The following GTF2H3 variants were observed in gnomAD, a reference collection of about 807,000 sequenced individuals.
GTF2H3 encodes general transcription factor IIH subunit 3, also known as TFIIH basal transcription factor complex p34 subunit.
Under a neutral mutation model 51.1 loss-of-function variants are expected in GTF2H3, and 42 were observed. The ratio of observed to expected loss-of-function variants is 0.82; its 90% CI spans 0.64 to 1.06. The LOEUF is 1.06. Ranked by LOEUF, GTF2H3 falls within the 50% of genes least tolerant of loss-of-function variation. GTF2H3 has a pLI of 0.00. For missense variants in GTF2H3, 326 were observed against 366.1 expected, an observed-to-expected ratio of 0.89 and a Z score of 0.89; for synonymous variants, 123 against 123.8, an observed-to-expected ratio of 0.99 and a Z score of 0.04.
At chr12:123,652,814 A>C in intron 7 of GTF2H3, 79 bp downstream of exon 7, 167 of 1,317,958 alleles carry the variant, frequency 1.3e-4, no homozygotes, top group Non-Finnish European at 1.5e-4. Context: ...GTGGTGGCTC[A>C]CACCTGTTAT....
rs148281362 is a variant in GTF2H3 at position 123,643,956 on chromosome 12, G to A, written c.94-1499G>A. On this transcript the variant is annotated intron_variant, in intron 2 of 12. Transcript: ENST00000543341. ...AGCAGTCCTCCCACCTCAGCATCCC[G>A]AGAAGCTGGGACTGCAGGCACGTGC... Among the ~76,000 whole-genome samples the A allele has an allele frequency of 7.7e-3, 1,178 of 152,166 alleles. 7 individuals are homozygous for A. Among genetic ancestry groups the A allele is most frequent in the Middle Eastern group, 0.017 (5 of 294 alleles).
rs747273795 is a variant in GTF2H3 at position 123,659,843 on chromosome 12, C to T, written c.733C>T (p.Pro245Ser). Reference protein sequence around the residue: ...QDQRSQLILPPPVHVDYRAAC... With the variant: ...QDQRSQLILPSPVHVDYRAAC... ...TCAGAGATCTCAGTTAATCCTCCCA[C>T]CCCCAGTTCATGTTGACTACAGGGC... Residue 245 changes from proline (P) to serine (S), a missense_variant, in exon 11 of 13, where the codon CCC (proline) becomes TCC (serine). Coordinates refer to ENST00000543341, the MANE Select transcript of GTF2H3 (RefSeq NM_001516.5). 6.8e-6 allele frequency: 11 copies of T among 1,613,314 alleles called. No individual in the cohort carries two copies. The highest frequency in any genetic ancestry group is 1.1e-5 in the South Asian group (1 of 91,068).
At chr12:123,655,974 A>G (rs1456042558) in intron 9 of GTF2H3, 150 bp downstream of exon 9, 1 of 536,920 alleles carries the variant, frequency 1.9e-6, no homozygotes, top group African/African-American at 1.9e-5. Context: ...CCCCTTACGT[A>G]TGGAGCTACT....
At chr12:123,641,835 A>G (rs1452544735) in intron 2 of GTF2H3, among the ~76,000 whole-genome samples, 7 of 151,768 alleles carry the variant, frequency 4.6e-5, no homozygotes, top group East Asian at 3.9e-4. Flanking sequence ...ATTCTTCTGT[A>G]TATTTTTAGT....
intron 1 of GTF2H3, among the ~76,000 whole-genome samples, chr12:123,637,652 A>G (rs1257764100): frequency 6.6e-6 from 1 of 151,524 alleles, no homozygotes; most frequent in Non-Finnish European, 1.5e-5. Flanking sequence ...ACAGGTGTGC[A>G]CCACCATGCC....
At position 123,661,521 on chromosome 12, in the gene GTF2H3, G is replaced by C. The variant is rs1328137981; in HGVS notation, c.*1286G>C. The C allele has an allele frequency of 2.6e-5, 4 of 151,860 alleles. No homozygotes were observed. Among genetic ancestry groups the C allele is most frequent in the Non-Finnish European group, 4.4e-5 (3 of 68,076 alleles). The allele number at this position is 151,860 out of a possible 1,614,324, so 9.4% of individuals were successfully genotyped here. ...CCATGCGAAGTAGCAGGTGCCTGTA[G>C]TTCCAGCTACTCGGGAGGCTGAGGC... On this transcript the variant is annotated 3_prime_UTR_variant, in exon 13 of 13. Transcript: ENST00000543341.
chr12:123,656,787 G>C (rs11572990), intron 9 of GTF2H3, among the ~76,000 whole-genome samples: 3,307 of 152,238 alleles, frequency 0.022, 94 homozygotes, highest in African/African-American at 0.068. Flanking sequence ...TGTTGATTCT[G>C]CCTTTAAAAT....
rs914308655 is a variant in GTF2H3, at chr12:123,655,068, T to C, written c.561+70T>C. The C allele has an allele frequency of 9.4e-6, 11 of 1,168,714 alleles. No individual in the cohort carries two copies. The South Asian group carries it at 1.1e-4, about 12-fold the overall frequency. 72.4% of individuals were successfully genotyped at this position (1,168,714 alleles called of 1,614,324 possible). On this transcript the variant is annotated intron_variant, in intron 8 of 12. Coordinates refer to ENST00000543341, the MANE Select transcript of GTF2H3 (RefSeq NM_001516.5). ...GGAGTCAATTTCATTTTTTGAATGC[T>C]CTACTCTGAGGTATTCTGACTACGT... is the stretch of plus-strand genomic sequence containing the variant.
chr12:123,650,548 T>G (rs1473117961), intron 4 of GTF2H3: 2 of 159,404 alleles, frequency 1.3e-5, no homozygotes, highest in South Asian at 1.8e-4. Context: ...TTTGCCATTT[T>G]ACCGATTTTT....
Position 123,633,866 on chromosome 12 carries a change from T to G in GTF2H3, c.7T>G (p.Ser3Ala), listed in dbSNP as rs758936507. 1 of 1,613,518 alleles carries G rather than the reference T, an allele frequency of 6.2e-7. No individual in the cohort carries two copies. The highest frequency in any genetic ancestry group is 1.1e-5 in the South Asian group (1 of 91,080). MV[S>A]DEDELNLLVI... is the part of the protein sequence containing the mutation. ...CTGAGGTGCTGGGACAGCCATGGTTTCAGACGGTGAGGACCCTGCAGGGCG... is the reference window on the plus strand; with the variant it reads ...CTGAGGTGCTGGGACAGCCATGGTTGCAGACGGTGAGGACCCTGCAGGGCG... Residue 3 changes from serine to alanine, a missense_variant, in exon 1 of 13, where the codon TCA becomes GCA. Ser to Ala is a moderately conservative substitution (Grantham distance 99). Coordinates refer to ENST00000543341, the MANE Select transcript of GTF2H3 (RefSeq NM_001516.5).
chr12:123,641,945 C>T (rs1955381422), intron 2 of GTF2H3, among the ~76,000 whole-genome samples: 2 of 152,040 alleles, frequency 1.3e-5, no homozygotes, highest in Non-Finnish European at 2.9e-5. Flanking sequence ...CCTCCATCTC[C>T]CTGGTTCAAG....
intron 4 of GTF2H3, 174 bp downstream of exon 4, chr12:123,648,300 C>T (rs905510596): frequency 8.2e-5 from 39 of 476,124 alleles, no homozygotes; most frequent in Middle Eastern, 5.6e-4. Context: ...CAGCATTTGA[C>T]GCTGCTGAGC....
intron 5 of GTF2H3, among the ~76,000 whole-genome samples, chr12:123,651,540 C>T (rs1007653737): frequency 6.6e-6 from 1 of 151,748 alleles, no homozygotes; most frequent in African/African-American, 2.4e-5. Context: ...GCTGTAAAGG[C>T]CGGGCGTGGT....
intron 7 of GTF2H3, among the ~76,000 whole-genome samples, chr12:123,654,694 T>C (rs1285261796): frequency 6.6e-6 from 1 of 152,080 alleles, no homozygotes; most frequent in Non-Finnish European, 1.5e-5. Flanking sequence ...TGTGCATGTA[T>C]ATACCTGCCC....
intron 9 of GTF2H3, among the ~76,000 whole-genome samples, chr12:123,657,124 T>G (rs1955596510): frequency 6.6e-6 from 1 of 151,680 alleles, no homozygotes; most frequent in Non-Finnish European, 1.5e-5. Context: ...GCTGTCAGAA[T>G]GAAGCTTTCA....
intron 9 of GTF2H3, among the ~76,000 whole-genome samples, chr12:123,657,348 A>G (rs1365482754): frequency 1.3e-5 from 2 of 152,176 alleles, no homozygotes; most frequent in African/African-American, 4.8e-5. Context: ...GCTCCTGGGA[A>G]CCTTTTGCCC....
chr12:123,660,174 T>G lies in GTF2H3; in HGVS notation c.866T>G (p.Phe289Cys). Residue 289 changes from phenylalanine (F) to cysteine (C), a missense_variant, in exon 13 of 13, where the codon TTT becomes TGT. Phe to Cys is a radical substitution (Grantham distance 205, BLOSUM62 -2). Coordinates refer to ENST00000543341, the MANE Select transcript of GTF2H3 (RefSeq NM_001516.5). The part of the protein sequence containing the change: ...SPICTTCETA[F>C]KISLPPVLKA... The stretch of plus-strand genomic sequence containing the variant: ...CCTCTCTGTAATTTCAGGACAGCCT[T>G]TAAAATTTCTCTGCCTCCAGTGCTG... 1 of 1,611,944 alleles carries G rather than the reference T, an allele frequency of 6.2e-7. No individual in the cohort carries two copies. The highest frequency in any genetic ancestry group is 8.5e-7 in the Non-Finnish European group (1 of 1,179,280).
At chr12:123,659,375 A>G in intron 9 of GTF2H3, 141 bp from the exon 10 acceptor site, 1 of 695,144 alleles carries the variant, frequency 1.4e-6, no homozygotes, top group Non-Finnish European at 2.6e-6. Context: ...AAAATATAAA[A>G]ATAAAAATAA....
In GTF2H3 at chr12:123,648,058, G is replaced by A. The variant is rs1955473486; in HGVS notation, c.296G>A (p.Gly99Glu). Reference protein sequence around the residue: ...PEFNPSGSKDGKYELLTSANE... With the variant: ...PEFNPSGSKDEKYELLTSANE... ...TTTAATCCCTCTGGGAGTAAAGATG[G>A]AAAATACGAACTTTTAACCTCAGCA... The change falls in exon 4 of 13, where the codon GGA (glycine) becomes GAA (glutamate). Residue 99 changes from glycine (G) to glutamate (E), a missense_variant. Physicochemically the swap from Gly to Glu is moderately conservative, Grantham distance 98. Coordinates refer to ENST00000543341, the MANE Select transcript of GTF2H3 (RefSeq NM_001516.5). 2.5e-6 allele frequency: 4 copies of A among 1,612,214 alleles called. No homozygotes were observed. The highest frequency in any genetic ancestry group is 2.5e-6 in the Non-Finnish European group (3 of 1,178,394).
Sources: gnomAD v4.1 joint callset for allele counts (sites outside exome capture counted in the v4.1 genomes callset) on GRCh38, gnomAD v4.1.1 for gene constraint, MANE v1.5 for transcripts, NCBI Gene and HGNC (gene_info 2026-07-23, HGNC 2026-07-21) for gene names.